The following PCDHGB5 variants were observed in gnomAD, a reference collection of about 807,000 sequenced individuals.
PCDHGB5 encodes the protein protocadherin gamma subfamily B, 5, also known as protocadherin gamma-B5.
Under a neutral mutation model 62.9 loss-of-function variants are expected in PCDHGB5, and 48 were observed. The ratio of observed to expected loss-of-function variants is 0.76; its 90% CI spans 0.61 to 0.97. The LOEUF (loss-of-function observed/expected upper bound fraction) is 0.97. Ranked by LOEUF, PCDHGB5 falls within the 50% of genes least tolerant of loss-of-function variation. PCDHGB5 has a pLI of 0.00. For missense variants in PCDHGB5, 1,118 were observed against 1,198.6 expected (o/e 0.93, Z 0.99); for synonymous variants, 474 against 511.2 (o/e 0.93, Z 0.98).
intron 1 of PCDHGB5, among the ~76,000 whole-genome samples, chr5:141,437,807 G>T (rs910427301): frequency 6.7e-6 from 1 of 149,476 alleles, no homozygotes; most frequent in Non-Finnish European, 1.5e-5. Flanking sequence ...GCACTATCTT[G>T]GCTCACTGCA....
In PCDHGB5 at chr5:141,423,305, A is replaced by G. The variant is rs746680027; in HGVS notation, c.2397+22781A>G. On this transcript the variant is annotated intron_variant, in intron 1 of 3. Coordinates refer to ENST00000617380, the MANE Select transcript of PCDHGB5 (RefSeq NM_018925.3). Reference sequence around the variant, plus strand: ...TCTGAAACCTCAGACCTCTCGCTGTACTTGGTGGTGGCGGTGGCCGCAGTC... The same window carrying G: ...TCTGAAACCTCAGACCTCTCGCTGTGCTTGGTGGTGGCGGTGGCCGCAGTC... 23 of 1,613,944 alleles carry G rather than the reference A, an allele frequency of 1.4e-5. No individual in the cohort carries two copies. Among genetic ancestry groups the G allele is most frequent in the Non-Finnish European group, 1.9e-5 (22 of 1,180,004 alleles).
intron 1 of PCDHGB5, chr5:141,415,362 G>A (rs769596449): frequency 4.3e-6 from 7 of 1,614,126 alleles, no homozygotes; most frequent in African/African-American, 1.3e-5. Context: ...CACGCCTGCT[G>A]CAGGCTTCAG....
At position 141,484,465 on chromosome 5, in the gene PCDHGB5, A is replaced by G. The variant is rs2099596840; in HGVS notation, c.2398-10342A>G. On this transcript the variant is annotated intron_variant, in intron 1 of 3. Coordinates refer to ENST00000617380, the MANE Select transcript of PCDHGB5 (RefSeq NM_018925.3). ...ATTTAATTGGCTACGTTAATGTGTA[A>G]GCCTTTTCTGCAAAGAGATGGATCC... is the stretch of plus-strand genomic sequence containing the variant. Among the ~76,000 whole-genome samples, 4 of 152,236 alleles carry G rather than the reference A, an allele frequency of 2.6e-5. No individual in the cohort carries two copies. In the South Asian group the frequency reaches 6.2e-4, roughly 24 times the overall value.
intron 2 of PCDHGB5, among the ~76,000 whole-genome samples, chr5:141,501,942 C>T (rs1012840550): frequency 2.6e-5 from 4 of 152,136 alleles, no homozygotes; most frequent in Non-Finnish European, 4.4e-5. Context: ...CACCACTGCT[C>T]CCTGTGACAG....
chr5:141,482,981 A>C (rs1377809325), intron 1 of PCDHGB5, among the ~76,000 whole-genome samples: 1 of 150,250 alleles, frequency 6.7e-6, no homozygotes, highest in Non-Finnish European at 1.5e-5. Context: ...GCTACTTGAG[A>C]GGTCGAGGCA....
chr5:141,498,805 C>T (rs1397026274), intron 2 of PCDHGB5, among the ~76,000 whole-genome samples: 1 of 152,000 alleles, frequency 6.6e-6, no homozygotes, highest in Non-Finnish European at 1.5e-5. Flanking sequence ...TGGTGGTGCA[C>T]ACCTGTAGTC....
chr5:141,447,852 G>A (rs375081279), intron 1 of PCDHGB5, among the ~76,000 whole-genome samples: 2 of 152,144 alleles, frequency 1.3e-5, no homozygotes, highest in East Asian at 3.9e-4. Context: ...TTGGGAGGCC[G>A]AGGTGGGTGA....
At chr5:141,466,684 G>A (rs1337230884) in intron 1 of PCDHGB5, among the ~76,000 whole-genome samples, 1 of 152,034 alleles carries the variant, frequency 6.6e-6, no homozygotes, top group Non-Finnish European at 1.5e-5. Flanking sequence ...TTCCACTCAA[G>A]CTTCATCATA....
chr5:141,448,099 T>C (rs1002430560), intron 1 of PCDHGB5, among the ~76,000 whole-genome samples: 1 of 151,272 alleles, frequency 6.6e-6, no homozygotes, highest in African/African-American at 2.4e-5. Context: ...AAAAAAAAAA[T>C]TAAAAGAAAA....
Position 141,409,958 on chromosome 5 carries a change from T to C in PCDHGB5, c.2397+9434T>C. ...GGTACCTCGCTCTGCAGAGCCCGGC[T>C]ACCTAGTGACTAAGGTGGTAGCGGT... On this transcript the variant is annotated intron_variant, in intron 1 of 3. Transcript: ENST00000617380. 6.2e-7 allele frequency: 1 copy of C among 1,613,394 alleles called. No individual in the cohort carries two copies.
chr5:141,449,498 A>G (rs1190732747), intron 1 of PCDHGB5, among the ~76,000 whole-genome samples: 7 of 150,506 alleles, frequency 4.7e-5, no homozygotes, highest in Non-Finnish European at 8.9e-5. Flanking sequence ...GTGAGGCATG[A>G]GAAATGCTTG....
At position 141,486,266 on chromosome 5, in the gene PCDHGB5, C is replaced by A; in HGVS notation, c.2398-8541C>A. On this transcript the variant is annotated intron_variant, in intron 1 of 3. Coordinates refer to ENST00000617380, the MANE Select transcript of PCDHGB5 (RefSeq NM_018925.3). The surrounding 1 kb of genome is among the most constrained non-coding windows in gnomAD (Gnocchi z 5.0). ...TGGAACCCTCCCCGAGAGTGCAGAA[C>A]CTGGCACTGTGGTGGCACTTATCAG... The A allele has an allele frequency of 1.9e-6, 3 of 1,614,098 alleles. No homozygotes were observed. Among genetic ancestry groups the A allele is most frequent in the Admixed American group, 3.3e-5 (2 of 60,016 alleles).
In PCDHGB5 at chr5:141,408,872, G is replaced by T. The variant is rs752537671; in HGVS notation, c.2397+8348G>T. 3.1e-6 allele frequency: 5 copies of T among 1,613,448 alleles called. No individual in the cohort carries two copies. The highest frequency in any genetic ancestry group is 4.2e-6 in the Non-Finnish European group (5 of 1,179,760). Reference sequence around the variant, plus strand: ...GGACGGAGGGGACCCACCAAGAAGTGCCACCGCTCACATAGAAATTTCTGT... The same window carrying T: ...GGACGGAGGGGACCCACCAAGAAGTTCCACCGCTCACATAGAAATTTCTGT... On this transcript the variant is annotated intron_variant, in intron 1 of 3. Transcript: ENST00000617380.
chr5:141,502,518 T>C (rs1388007900), intron 2 of PCDHGB5, among the ~76,000 whole-genome samples: 1 of 152,184 alleles, frequency 6.6e-6, no homozygotes, highest in Non-Finnish European at 1.5e-5. Flanking sequence ...CCACTATCAG[T>C]GATGCCGAGT....
At chr5:141,439,934 G>T (rs1477526863) in intron 1 of PCDHGB5, 2 of 152,382 alleles carry the variant, frequency 1.3e-5, no homozygotes, top group Admixed American at 1.3e-4. Context: ...ATCCTGCTGG[G>T]CATTCTCTAT....
chr5:141,474,325 C>A (rs540113771), intron 1 of PCDHGB5, among the ~76,000 whole-genome samples: 1 of 152,256 alleles, frequency 6.6e-6, no homozygotes, highest in Admixed American at 6.5e-5. Context: ...TTTCAAATCA[C>A]CCTGATGTTT....
At position 141,399,366 on chromosome 5, in the gene PCDHGB5, G is replaced by A. The variant is rs1390489498; in HGVS notation, c.1239G>A (p.Glu413=). Residue 413 remains glutamate, a synonymous_variant, in exon 1 of 4, where the codon GAG becomes GAA. Transcript: ENST00000617380. ...DGTLDREQTP[E]YNVTITATDR... is the part of the protein sequence containing the mutation. ...CCCTAGACCGAGAGCAAACCCCGGA[G>A]TACAATGTCACCATCACAGCCACAG... 6 of 1,613,850 alleles carry A rather than the reference G, an allele frequency of 3.7e-6. No individual in the cohort carries two copies. Among genetic ancestry groups the A allele is most frequent in the Middle Eastern group, 3.3e-4 (2 of 6,084 alleles).
At chr5:141,484,347 T>C (rs569724902) in intron 1 of PCDHGB5, among the ~76,000 whole-genome samples, 2 of 152,302 alleles carry the variant, frequency 1.3e-5, no homozygotes, top group East Asian at 1.9e-4. Flanking sequence ...AATGGTAATT[T>C]AGTGTATCTA....
intron 1 of PCDHGB5, chr5:141,413,140 A>G: frequency 1.3e-6 from 2 of 1,563,150 alleles, no homozygotes; most frequent in Non-Finnish European, 1.7e-6. Context: ...CAACGTGTCC[A>G]GTGAGGACTT....
Sources: gnomAD v4.1 joint callset for allele counts (sites outside exome capture counted in the v4.1 genomes callset) on GRCh38, gnomAD v4.1.1 for gene constraint, Gnocchi (gnomAD v3.1) non-coding constraint, MANE v1.5 for transcripts, NCBI Gene and HGNC (gene_info 2026-07-23, HGNC 2026-07-21) for gene names.